Variants in PATJ observed in about 807,000 individuals in gnomAD.
PATJ encodes inaD-like protein.
PATJ carries 190 observed loss-of-function variants against 224.9 expected under a neutral mutation model. The ratio of observed to expected loss-of-function variants is 0.84; its 90% CI spans 0.75 to 0.95. The LOEUF is 0.95. Ranked by LOEUF, PATJ falls within the 40% of genes least tolerant of loss-of-function variation. The pLI is 0.00. For missense variants in PATJ, 2,121 were observed against 2,270.3 expected, an observed-to-expected ratio of 0.93 and a Z score of 1.34; for synonymous variants, 769 against 820.3, an observed-to-expected ratio of 0.94 and a Z score of 1.07.
chr1:61,887,999 A>G (rs1443791259), intron 22 of PATJ, among the ~76,000 whole-genome samples: 5 of 152,226 alleles, frequency 3.3e-5, no homozygotes, highest in Admixed American at 1.3e-4. Flanking sequence ...AGTTTTAGAT[A>G]GAAACTTCAT....
At chr1:62,065,267 C>A (rs1480828989) in intron 31 of PATJ, among the ~76,000 whole-genome samples, 1 of 152,038 alleles carries the variant, frequency 6.6e-6, no homozygotes, top group East Asian at 1.9e-4. Context: ...AGCAAGTAAC[C>A]TCATGAACTC....
At chr1:61,987,625 G>T (rs17122889) in intron 27 of PATJ, among the ~76,000 whole-genome samples, 7,702 of 152,156 alleles carry the variant, frequency 0.051, 579 homozygotes, top group East Asian at 0.39. Context: ...TGGCACCTCT[G>T]CAGAACCCCT....
intron 27 of PATJ, among the ~76,000 whole-genome samples, chr1:61,979,526 A>G (rs1888988): frequency 0.85 from 128,719 of 151,838 alleles, 54,792 homozygotes; most frequent in Admixed American, 0.87. Flanking sequence ...GGTGGCGTGT[A>G]CCTGTAATCC....
intron 39 of PATJ, among the ~76,000 whole-genome samples, chr1:62,123,815 GAACAATTAGCATATTT>G (rs1665389603): frequency 9.3e-6 from 1 of 107,886 alleles, no homozygotes; most frequent in Non-Finnish European, 1.7e-5. Flanking sequence ...TCCTATTATT[GAACAATTAGCATATTT>G]CTCAATTTTT....
chr1:62,096,190 TG>T (rs1203959832), intron 33 of PATJ, among the ~76,000 whole-genome samples: 1 of 152,154 alleles, frequency 6.6e-6, no homozygotes, highest in Admixed American at 6.5e-5. Flanking sequence ...GTATGGGAAC[TG>T]AAACAAGAAG....
chr1:62,064,327 C>CTTTTT (rs201359731), intron 31 of PATJ, among the ~76,000 whole-genome samples: 1 of 135,844 alleles, frequency 7.4e-6, no homozygotes. Flanking sequence ...AGCCATAATG[C>CTTTTT]TTTTTTTTTT....
At chr1:62,015,107 C>T (rs1646694171) in intron 28 of PATJ, among the ~76,000 whole-genome samples, 1 of 151,946 alleles carries the variant, frequency 6.6e-6, no homozygotes, top group Non-Finnish European at 1.5e-5. Flanking sequence ...CAAGACCAGC[C>T]TGGCCAACAT....
chr1:62,118,035 CTT>C (rs1664642853), intron 37 of PATJ, among the ~76,000 whole-genome samples: 4 of 152,166 alleles, frequency 2.6e-5, no homozygotes, highest in Non-Finnish European at 5.9e-5. Flanking sequence ...CACACAGTTA[CTT>C]CTGGAAAGCT....
At chr1:62,149,128 C>CAAA (rs773276557) in intron 42 of PATJ, among the ~76,000 whole-genome samples, 1 of 60,404 alleles carries the variant, frequency 1.7e-5, no homozygotes. Context: ...AACTCCATCT[C>CAAA]AAAAAAAAAA....
intron 32 of PATJ, among the ~76,000 whole-genome samples, chr1:62,080,571 A>T (rs572049322): frequency 1.1e-4 from 17 of 152,104 alleles, no homozygotes; most frequent in Non-Finnish European, 2.4e-4. Context: ...ACCTCAAGTG[A>T]TCTGCCTGCC....
chr1:61,939,122 C>CAAAAAAAAA (rs560139042), intron 27 of PATJ, among the ~76,000 whole-genome samples: 2 of 57,486 alleles, frequency 3.5e-5, no homozygotes, highest in Non-Finnish European at 6.1e-5. Flanking sequence ...GACTCCATCT[C>CAAAAAAAAA]AAAAAAAAAA....
At position 61,771,602 on chromosome 1, in the gene PATJ, A is replaced by G; in HGVS notation, c.696A>G (p.Leu232=). ...CAAAAAGCAGTACTTCTAGCAGCCTAAATGATACAACTCTGCCTGAAACAG... is the reference window on the plus strand; with the variant it reads ...CAAAAAGCAGTACTTCTAGCAGCCTGAATGATACAACTCTGCCTGAAACAG... ...VHTKSSTSSS[L]NDTTLPETVC... is the part of the protein sequence containing the mutation. Residue 232 remains leucine (L), a synonymous_variant, in exon 6 of 44, where the codon CTA becomes CTG. Coordinates refer to ENST00000642238, the MANE Select transcript of PATJ (RefSeq NM_001350145.3). 4 of 1,600,696 alleles carry G rather than the reference A, an allele frequency of 2.5e-6. No individual in the cohort carries two copies. Among genetic ancestry groups the G allele is most frequent in the Middle Eastern group, 1.7e-4 (1 of 6,008 alleles).
intron 25 of PATJ, among the ~76,000 whole-genome samples, chr1:61,913,024 G>A (rs1672919814): frequency 6.6e-6 from 1 of 152,116 alleles, no homozygotes; most frequent in African/African-American, 2.4e-5. Flanking sequence ...ATATATGTTA[G>A]TGTATCGTTA....
Position 61,775,186 on chromosome 1 carries a change from T to G in PATJ, c.721-20T>G. ...TGTGTATTACTGATACTGCGACTCTTATTTGCCATTAATTTGTAGGTTTGT... is the reference window on the plus strand; with the variant it reads ...TGTGTATTACTGATACTGCGACTCTGATTTGCCATTAATTTGTAGGTTTGT... On this transcript the variant is annotated intron_variant, in intron 6 of 43. Transcript: ENST00000642238. The G allele has an allele frequency of 1.2e-6, 2 of 1,602,834 alleles. No individual in the cohort carries two copies. The highest frequency in any genetic ancestry group is 1.1e-5 in the South Asian group (1 of 88,674).
chr1:61,855,974 G>A, intron 17 of PATJ, 56 bp from the exon 18 acceptor site: 2 of 1,307,814 alleles, frequency 1.5e-6, no homozygotes, highest in Non-Finnish European at 2.2e-6. Flanking sequence ...CTGTCCTAAG[G>A]CTGCATATTT....
intron 26 of PATJ, among the ~76,000 whole-genome samples, chr1:61,915,740 AG>A (rs1189376565): frequency 6.7e-6 from 1 of 149,490 alleles, no homozygotes; most frequent in East Asian, 1.9e-4. Context: ...CTCAGTCGCC[AG>A]GCCAGAGTGC....
chr1:62,034,051 C>G (rs936969812), intron 29 of PATJ, among the ~76,000 whole-genome samples: 1 of 152,168 alleles, frequency 6.6e-6, no homozygotes, highest in Non-Finnish European at 1.5e-5. Context: ...CCCAGCAGCT[C>G]TTAAAGATAA....
At chr1:61,940,433 C>T (rs745855177) in intron 27 of PATJ, among the ~76,000 whole-genome samples, 13 of 151,884 alleles carry the variant, frequency 8.6e-5, no homozygotes, top group Non-Finnish European at 1.9e-4. Context: ...AAATGAAATT[C>T]TAGCCGGGCG....
At chr1:62,009,280 T>C (rs1435014435) in intron 28 of PATJ, among the ~76,000 whole-genome samples, 1 of 152,210 alleles carries the variant, frequency 6.6e-6, no homozygotes, top group Non-Finnish European at 1.5e-5. Flanking sequence ...GGTTCCATTC[T>C]AGACTACCAC....
Sources: allele counts gnomAD v4.1 joint callset (sites outside exome capture counted in the v4.1 genomes callset), GRCh38; gene constraint gnomAD v4.1.1; transcripts MANE v1.5; gene names NCBI Gene and HGNC (gene_info 2026-07-23, HGNC 2026-07-21).